BOP1: variants seen among roughly 807,000 people sequenced by gnomAD.
BOP1 encodes ribosome biogenesis protein BOP1.
BOP1 carries 54 observed loss-of-function variants against 82.9 expected under a neutral mutation model. That is an observed-to-expected ratio of 0.65 (90% CI 0.52 to 0.82). The LOEUF is 0.82. BOP1 is among the 40% of genes least tolerant of loss of function. The pLI is 0.00. For missense variants in BOP1, 1,170 were observed against 1,072.0 expected, an observed-to-expected ratio of 1.09 and a Z score of -1.28; for synonymous variants, 566 against 451.1, an observed-to-expected ratio of 1.25 and a Z score of -3.23.
chr8:144,274,051 C>T (rs2130234209), intron 3 of BOP1, among the ~76,000 whole-genome samples: 1 of 152,262 alleles, frequency 6.6e-6, no homozygotes, highest in Non-Finnish European at 1.5e-5. Flanking sequence ...GGGAAGTGGC[C>T]TGAGGAGAAG....
chr8:144,277,519 A>C (rs1381370172), intron 2 of BOP1, among the ~76,000 whole-genome samples: 1 of 152,366 alleles, frequency 6.6e-6, no homozygotes, highest in African/African-American at 2.4e-5. Flanking sequence ...GCCGGGGCTG[A>C]AGCACCGCAC....
rs112202070 is a variant in BOP1, at chr8:144,276,714, G to A, written c.310-410C>T. Among the ~76,000 whole-genome samples the A allele has an allele frequency of 3.2e-4, 49 of 152,322 alleles. No individual in the cohort carries two copies. The East Asian group carries it at 3.7e-3, about 11-fold the overall frequency. On this transcript the variant is annotated intron_variant, in intron 2 of 15. Coordinates refer to ENST00000569669, the MANE Select transcript of BOP1 (RefSeq NM_015201.5). ...AGGGGCCCCACATGGCGCTCCTGCC[G>A]AGCCCCGCCTGGGACGGGGGCAGCA...
chr8:144,280,756 G>A (rs1394231097), intron 2 of BOP1, among the ~76,000 whole-genome samples: 4 of 152,132 alleles, frequency 2.6e-5, no homozygotes, highest in Non-Finnish European at 4.4e-5. Context: ...GCTGAGGCAG[G>A]AGAAAGAACT....
At chr8:144,283,712 G>A (rs1554839183) in intron 2 of BOP1, among the ~76,000 whole-genome samples, 1 of 152,274 alleles carries the variant, frequency 6.6e-6, no homozygotes, top group East Asian at 1.9e-4. Context: ...AGGAAAAGAT[G>A]AAGCAGCAAC....
intron 2 of BOP1, among the ~76,000 whole-genome samples, chr8:144,278,870 C>T (rs782805875): frequency 1.3e-5 from 2 of 152,240 alleles, no homozygotes; most frequent in South Asian, 4.1e-4. Flanking sequence ...AGGAAACCCA[C>T]ATTTTGTTTT....
rs1845310678 is a variant in BOP1 at position 144,264,496 on chromosome 8, CA to C, written c.765+18del. 1.2e-6 allele frequency: 2 copies of C among 1,608,988 alleles called. No homozygotes were observed. The highest frequency in any genetic ancestry group is 1.7e-6 in the Non-Finnish European group (2 of 1,178,994). On this transcript the variant is annotated intron_variant, in intron 6 of 15. Transcript: ENST00000569669. ...GGGGCGGTCAGCCCAGGCCAAGCCC[CA>C]GGGGCTGTGTGCCCCACCTTCTCCT... is the stretch of plus-strand genomic sequence containing the variant.
Position 144,291,365 on chromosome 8 carries a change from C to G in BOP1, c.6G>C (p.Ala2=), listed in dbSNP as rs1171248546. The change falls in exon 1 of 16, where the codon GCG becomes GCC. Residue 2 remains alanine, a synonymous_variant. Coordinates refer to ENST00000569669, the MANE Select transcript of BOP1 (RefSeq NM_015201.5). This position sits in a 1 kb window ranked among gnomAD's most constrained non-coding sequence, Gnocchi z 4.1. M[A]GSRGAGRTAA... Reference sequence around the variant, plus strand: ...CCGTGCGCCCCGCACCCCGCGAACCCGCCATGCCCCACCGCGCGCCGGCCG... The same window carrying G: ...CCGTGCGCCCCGCACCCCGCGAACCGGCCATGCCCCACCGCGCGCCGGCCG... 5.6e-6 allele frequency: 7 copies of G among 1,242,650 alleles called. No individual in the cohort carries two copies. The African/African-American group carries it at 9.5e-5, about 17-fold the overall frequency. 77.0% of individuals were successfully genotyped at this position (1,242,650 alleles called of 1,614,324 possible). A position where few individuals can be genotyped will look rare whatever the true frequency, so the allele number is the denominator to read the frequency against.
intron 2 of BOP1, among the ~76,000 whole-genome samples, chr8:144,278,256 T>G (rs116229193): frequency 0.079 from 4,739 of 60,210 alleles, 233 homozygotes; most frequent in African/African-American, 0.29. Context: ...GCCAGCAGGA[T>G]GCGGGGCCGC....
chr8:144,277,802 TGCGGG>T (rs1845591634), intron 2 of BOP1, among the ~76,000 whole-genome samples: 2 of 146,196 alleles, frequency 1.4e-5, no homozygotes, highest in African/African-American at 5.5e-5. Flanking sequence ...GCAGGGGCGG[TGCGGG>T]CAGGGGCGGT....
chr8:144,273,621 G>A (rs1182936074), intron 3 of BOP1, among the ~76,000 whole-genome samples: 1 of 152,254 alleles, frequency 6.6e-6, no homozygotes, highest in Non-Finnish European at 1.5e-5. Flanking sequence ...CAAAGCGGAG[G>A]GGCTGCTTCG....
chr8:144,265,890 G>A (rs1020891558), intron 3 of BOP1: 1 of 153,070 alleles, frequency 6.5e-6, no homozygotes, highest in African/African-American at 2.4e-5. Flanking sequence ...GAAGGGGCAA[G>A]GAGACCGACG....
Position 144,262,181 on chromosome 8 carries a change from C to G in BOP1, c.2224G>C (p.Val742Leu). ...WVFSSGADGT[V>L]RLFT The stretch of plus-strand genomic sequence containing the variant: ...CAGAACAGCTAGGTGAAGAGGCGGA[C>G]AGTCCCGTCTGCCCCCGAGGAGAAG... Residue 742 changes from valine to leucine, a missense_variant, in exon 16 of 16, where the codon GTC (valine) becomes CTC (leucine). By Grantham distance (32) the Val-to-Leu change is conservative. Transcript: ENST00000569669. The G allele has an allele frequency of 6.2e-7, 1 of 1,612,530 alleles. No individual in the cohort carries two copies. The highest frequency in any genetic ancestry group is 8.5e-7 in the Non-Finnish European group (1 of 1,179,828).
At chr8:144,266,771 G>A in intron 3 of BOP1, 2 of 1,079,366 alleles carry the variant, frequency 1.9e-6, no homozygotes, top group East Asian at 6.1e-5. Context: ...CAGGGCGCCC[G>A]GCGGAGGGCG....
Position 144,264,948 on chromosome 8 carries a change from A to G in BOP1, c.514T>C (p.Phe172Leu). Residue 172 changes from phenylalanine (F) to leucine (L), a missense_variant, in exon 4 of 16, where the codon TTC becomes CTC. Transcript: ENST00000569669. ...PLRTRDELDQ[F>L]LDKMDDPDYW... is the part of the protein sequence containing the mutation. ...TCAGGATCGTCCATCTTGTCCAGGA[A>G]CTGGTCCAGCTCATCCCGGGTCCGC... The G allele has an allele frequency of 1.9e-6, 3 of 1,612,124 alleles. No individual in the cohort carries two copies. The highest frequency in any genetic ancestry group is 2.5e-6 in the Non-Finnish European group (3 of 1,179,694).
intron 3 of BOP1, chr8:144,266,632 C>T: frequency 4.9e-6 from 6 of 1,228,960 alleles, no homozygotes; most frequent in Non-Finnish European, 5.2e-6. Flanking sequence ...CGCCACGCTG[C>T]GCCCGGCGCC....
intron 3 of BOP1, among the ~76,000 whole-genome samples, chr8:144,268,828 C>T (rs1845441471): frequency 6.6e-6 from 1 of 152,032 alleles, no homozygotes. Flanking sequence ...GGGACAGAGG[C>T]AGCAGCAGGG....
intron 1 of BOP1, among the ~76,000 whole-genome samples, chr8:144,290,149 A>G (rs1815002818): frequency 1.3e-5 from 2 of 152,166 alleles, no homozygotes; most frequent in East Asian, 1.9e-4. Context: ...ACCTGAGGTC[A>G]GGAGTTCAAG....
intron 2 of BOP1, among the ~76,000 whole-genome samples, chr8:144,284,946 A>T (rs1814823557): frequency 6.6e-6 from 1 of 151,858 alleles, no homozygotes; most frequent in Admixed American, 6.5e-5. Context: ...AGGGGCCGCC[A>T]GCAGCTGACC....
At position 144,281,562 on chromosome 8, in the gene BOP1, TCCC is replaced by T. The variant is rs1845682266; in HGVS notation, c.310-5261_310-5259del. On this transcript the variant is annotated intron_variant, in intron 2 of 15. Transcript: ENST00000569669. ...CAGTTTAATACCAGGTCTTCGGCCT[TCCC>T]TCACTTTCATACCAGGTCTTTGGCC... 3 of 136,102 alleles carry T rather than the reference TCCC, an allele frequency of 2.2e-5. 1 individual carries two copies. Among genetic ancestry groups the T allele is most frequent in the African/African-American group, 9.0e-5 (3 of 33,432 alleles). 8.4% of individuals were successfully genotyped at this position (136,102 alleles called of 1,614,324 possible).
Sources: allele counts gnomAD v4.1 joint callset (sites outside exome capture counted in the v4.1 genomes callset), GRCh38; gene constraint gnomAD v4.1.1; non-coding constraint Gnocchi (gnomAD v3.1); transcripts MANE v1.5; gene names NCBI Gene and HGNC (gene_info 2026-07-23, HGNC 2026-07-21).